Variants in BMPR1B observed in about 807,000 individuals in gnomAD.
The protein encoded by BMPR1B is bone morphogenetic protein receptor type 1B.
Under a neutral mutation model 59.1 loss-of-function variants are expected in BMPR1B, and 12 were observed. That is an observed-to-expected ratio of 0.20 (90% CI 0.13 to 0.33). The LOEUF is 0.33. BMPR1B is among the 10% of genes least tolerant of loss of function. The pLI is 1.00. For synonymous variants in BMPR1B, 237 were observed against 207.3 expected (o/e 1.14, Z -1.23); for missense variants, 550 against 610.9 (o/e 0.90, Z 1.05).
intron 1 of BMPR1B, among the ~76,000 whole-genome samples, chr4:94,865,455 A>G (rs1025235394): frequency 2.0e-5 from 3 of 151,316 alleles, no homozygotes; most frequent in Non-Finnish European, 2.9e-5. Context: ...CAGTGGTTCC[A>G]TATCAGCTCA....
chr4:94,923,020 A>C (rs910410117), intron 2 of BMPR1B, among the ~76,000 whole-genome samples: 7 of 152,138 alleles, frequency 4.6e-5, no homozygotes, highest in Non-Finnish European at 1.0e-4. Flanking sequence ...ATCCCAAAGG[A>C]ACTCACATCA....
intron 3 of BMPR1B, among the ~76,000 whole-genome samples, chr4:95,083,870 AT>A: frequency 6.6e-6 from 1 of 152,174 alleles, no homozygotes; most frequent in East Asian, 1.9e-4. Context: ...ATTAAACTAT[AT>A]TTTTATGTAA....
intron 2 of BMPR1B, among the ~76,000 whole-genome samples, chr4:94,918,184 T>A (rs981523195): frequency 1.3e-3 from 191 of 152,280 alleles, no homozygotes; most frequent in Admixed American, 2.4e-3. Context: ...AATACAAGTT[T>A]TTTTTCAATT....
At chr4:94,841,241 G>A (rs1409517748) in intron 1 of BMPR1B, among the ~76,000 whole-genome samples, 4 of 148,564 alleles carry the variant, frequency 2.7e-5, no homozygotes, top group South Asian at 2.1e-4. Context: ...GCCCCCAGAG[G>A]TGGAGCCTAC....
intron 6 of BMPR1B, among the ~76,000 whole-genome samples, chr4:95,116,415 G>GCGCGCA (rs1553939728): frequency 1.5e-5 from 1 of 67,846 alleles, no homozygotes; most frequent in African/African-American, 8.0e-5. Context: ...CATGCTTTCA[G>GCGCGCA]CGCGCGCACA....
chr4:95,039,564 CAAAT>C (rs1348915406), intron 3 of BMPR1B, among the ~76,000 whole-genome samples: 7 of 151,564 alleles, frequency 4.6e-5, no homozygotes, highest in Non-Finnish European at 8.8e-5. Context: ...TCATAAAAAA[CAAAT>C]AAAGGCAGTA....
chr4:95,053,950 T>C (rs1388720726), intron 3 of BMPR1B, among the ~76,000 whole-genome samples: 1 of 152,202 alleles, frequency 6.6e-6, no homozygotes, highest in Non-Finnish European at 1.5e-5. Context: ...TTATTAATTC[T>C]GCGTCTACTT....
At chr4:95,139,114 T>C (rs1285216990) in intron 10 of BMPR1B, among the ~76,000 whole-genome samples, 1 of 152,196 alleles carries the variant, frequency 6.6e-6, no homozygotes, top group African/African-American at 2.4e-5. Flanking sequence ...CCTTTCTGTT[T>C]GTTAGTTTTC....
chr4:94,787,573 C>A (rs1228839212), intron 1 of BMPR1B, among the ~76,000 whole-genome samples: 1 of 152,162 alleles, frequency 6.6e-6, no homozygotes, highest in Non-Finnish European at 1.5e-5. Flanking sequence ...TCATATATTT[C>A]CATAGCTCTT....
intron 3 of BMPR1B, among the ~76,000 whole-genome samples, chr4:95,085,004 A>G (rs138969273): frequency 0.015 from 2,322 of 152,256 alleles, 33 homozygotes; most frequent in Admixed American, 0.028. Context: ...GTGCCCGGTT[A>G]CATGTTTTGT....
At chr4:95,100,864 G>A (rs578014263) in intron 3 of BMPR1B, among the ~76,000 whole-genome samples, 16 of 152,128 alleles carry the variant, frequency 1.1e-4, no homozygotes, top group African/African-American at 3.9e-4. Context: ...ATGATATAAT[G>A]TATTTTTGTA....
intron 2 of BMPR1B, among the ~76,000 whole-genome samples, chr4:94,981,644 A>G (rs1721093462): frequency 6.6e-6 from 1 of 152,234 alleles, no homozygotes; most frequent in South Asian, 2.1e-4. Flanking sequence ...ACCTAAATTG[A>G]CACTAAGACT....
At chr4:95,053,281 T>TGTGTG in intron 3 of BMPR1B, among the ~76,000 whole-genome samples, 1 of 134,252 alleles carries the variant, frequency 7.4e-6, no homozygotes, top group Non-Finnish European at 1.6e-5. Flanking sequence ...TGCAGGGCAC[T>TGTGTG]TGTGTGTGTG....
rs1184330202 is a variant in BMPR1B, at chr4:95,148,616, A to C, written c.1077-132A>C. 3 of 906,198 alleles carry C rather than the reference A, an allele frequency of 3.3e-6. No homozygotes were observed. In the East Asian group the frequency reaches 7.9e-5, roughly 24 times the overall value. 56.1% of individuals were successfully genotyped at this position (906,198 alleles called of 1,614,324 possible). ...TTTTGGCAAGAAATATTCTTTAAGA[A>C]ATTGTTTTTATTCCCTGGAAAGTTT... is the stretch of plus-strand genomic sequence containing the variant. On this transcript the variant is annotated intron_variant, in intron 10 of 12. Transcript: ENST00000515059.
chr4:94,846,620 T>G (rs188920319), intron 1 of BMPR1B, among the ~76,000 whole-genome samples: 56 of 152,284 alleles, frequency 3.7e-4, no homozygotes, highest in Non-Finnish European at 7.4e-4. Flanking sequence ...CTGGCTCTCC[T>G]TGCTCCTCAG....
chr4:94,872,756 C>T (rs1004037703), intron 1 of BMPR1B, among the ~76,000 whole-genome samples: 1 of 152,132 alleles, frequency 6.6e-6, no homozygotes, highest in Non-Finnish European at 1.5e-5. Context: ...TTTAATATAT[C>T]CCCATGTAAA....
chr4:95,074,828 A>G (rs1366545892), intron 3 of BMPR1B, among the ~76,000 whole-genome samples: 2 of 152,136 alleles, frequency 1.3e-5, no homozygotes, highest in African/African-American at 4.8e-5. Context: ...ATGGAAATTT[A>G]AAAATACCTG....
At chr4:94,854,161 A>G (rs373448732) in intron 1 of BMPR1B, among the ~76,000 whole-genome samples, 1 of 150,884 alleles carries the variant, frequency 6.6e-6, no homozygotes, top group South Asian at 2.1e-4. Context: ...TGCCTCATCT[A>G]TTGAATAAGG....
intron 3 of BMPR1B, among the ~76,000 whole-genome samples, chr4:95,029,849 A>G (rs914690936): frequency 1.3e-5 from 2 of 152,038 alleles, no homozygotes; most frequent in Non-Finnish European, 2.9e-5. Context: ...TTTGATTTGC[A>G]TTTCTCTTAA....
Sources: gnomAD v4.1 joint callset for allele counts (sites outside exome capture counted in the v4.1 genomes callset) on GRCh38, gnomAD v4.1.1 for gene constraint, MANE v1.5 for transcripts, NCBI Gene and HGNC (gene_info 2026-07-23, HGNC 2026-07-21) for gene names.